Variants in PDGFRL observed in about 807,000 individuals in gnomAD.
PDGFRL encodes the protein platelet derived growth factor receptor like.
Under a neutral mutation model 37.2 loss-of-function variants are expected in PDGFRL, and 46 were observed. That is an observed-to-expected ratio of 1.24 (90% confidence interval 0.98 to 1.58). The LOEUF (loss-of-function observed/expected upper bound fraction) is 1.58, where lower values mean the gene tolerates loss of function less well. Ranked by LOEUF, PDGFRL falls within the 40% of genes most tolerant of loss-of-function variation. PDGFRL has a pLI of 0.00. For synonymous variants in PDGFRL, 251 were observed against 184.3 expected (o/e 1.36, Z -2.93); for missense variants, 692 against 467.6 (o/e 1.48, Z -4.43).
intron 2 of PDGFRL, among the ~76,000 whole-genome samples, chr8:17,591,390 G>C (rs1042041753): frequency 6.6e-6 from 1 of 152,100 alleles, no homozygotes; most frequent in Non-Finnish European, 1.5e-5. Flanking sequence ...AGGAACCTGA[G>C]CATGGGCTCT....
chr8:17,637,542 A>G (rs546504911), intron 5 of PDGFRL, among the ~76,000 whole-genome samples: 1 of 151,932 alleles, frequency 6.6e-6, no homozygotes, highest in African/African-American at 2.4e-5. Context: ...CTTTTTTGTT[A>G]TGTCCTTTCC....
At chr8:17,590,884 A>G (rs868235599) in intron 2 of PDGFRL, among the ~76,000 whole-genome samples, 74 of 55,312 alleles carry the variant, frequency 1.3e-3, no homozygotes, top group African/African-American at 3.2e-3. Context: ...TATTATTATT[A>G]TTAATTTTTT....
At chr8:17,585,854 C>T (rs1048461082) in intron 1 of PDGFRL, among the ~76,000 whole-genome samples, 1 of 152,182 alleles carries the variant, frequency 6.6e-6, no homozygotes, top group South Asian at 2.1e-4. Context: ...TTGTGATTCT[C>T]AGTTGATGAT....
At chr8:17,629,845 C>A (rs1187069182) in intron 4 of PDGFRL, among the ~76,000 whole-genome samples, 1 of 152,138 alleles carries the variant, frequency 6.6e-6, no homozygotes, top group African/African-American at 2.4e-5. Context: ...ATTCTGTGTT[C>A]AATGACTCCC....
chr8:17,613,036 T>C (rs991068715), intron 2 of PDGFRL, among the ~76,000 whole-genome samples: 3 of 152,242 alleles, frequency 2.0e-5, no homozygotes, highest in African/African-American at 7.2e-5. Context: ...TGAATATTTT[T>C]TGTGAGTTAT....
intron 2 of PDGFRL, among the ~76,000 whole-genome samples, chr8:17,608,437 GTTTA>G (rs1391392293): frequency 1.3e-5 from 2 of 152,144 alleles, no homozygotes; most frequent in Admixed American, 6.5e-5. Context: ...GCCCTCATGC[GTTTA>G]TTTACCCAGG....
chr8:17,597,483 A>G (rs1347063665), intron 2 of PDGFRL, among the ~76,000 whole-genome samples: 1 of 152,234 alleles, frequency 6.6e-6, no homozygotes, highest in Non-Finnish European at 1.5e-5. Context: ...AATGAAGAAG[A>G]AGGAGATCTA....
intron 2 of PDGFRL, among the ~76,000 whole-genome samples, chr8:17,619,738 T>C (rs1231300502): frequency 6.6e-6 from 1 of 152,208 alleles, no homozygotes; most frequent in Non-Finnish European, 1.5e-5. Flanking sequence ...GTTGACTGCT[T>C]ACAAACGATT....
At chr8:17,603,090 C>G (rs1585311547) in intron 2 of PDGFRL, among the ~76,000 whole-genome samples, 1 of 152,334 alleles carries the variant, frequency 6.6e-6, no homozygotes, top group East Asian at 1.9e-4. Context: ...TCAGGTGACT[C>G]TCATGCCTCA....
rs1403717372 is a variant in PDGFRL, at chr8:17,642,670, C to G, written c.997C>G (p.His333Asp). Residue 333 changes from histidine to aspartate, a missense_variant, in exon 6 of 6, where the codon CAC (histidine) becomes GAC (aspartate). Physicochemically the swap from His to Asp is moderately conservative, Grantham distance 81 (BLOSUM62 -1). Coordinates refer to ENST00000251630, the MANE Select transcript of PDGFRL (RefSeq NM_001372073.1). ...TWRLIHRGLG[H>D]TTRISQSVIT... ...GAGGTTGATCCACAGAGGACTGGGA[C>G]ACACCACGAGAATCTCCCAGAGTGT... The G allele has an allele frequency of 6.2e-7, 1 of 1,606,012 alleles. No individual in the cohort carries two copies. Among genetic ancestry groups the G allele is most frequent in the Admixed American group, 1.7e-5 (1 of 60,010 alleles).
chr8:17,597,123 C>A (rs1231473797), intron 2 of PDGFRL, among the ~76,000 whole-genome samples: 1 of 152,192 alleles, frequency 6.6e-6, no homozygotes, highest in Non-Finnish European at 1.5e-5. Context: ...CATGTTCAAG[C>A]AATTCTAGTG....
At chr8:17,617,060 C>G (rs1222206823) in intron 2 of PDGFRL, among the ~76,000 whole-genome samples, 1 of 152,196 alleles carries the variant, frequency 6.6e-6, no homozygotes, top group Non-Finnish European at 1.5e-5. Context: ...AGCTTCAGTC[C>G]TCCACTGATG....
At chr8:17,614,873 A>C (rs1455447805) in intron 2 of PDGFRL, among the ~76,000 whole-genome samples, 2 of 152,120 alleles carry the variant, frequency 1.3e-5, no homozygotes, top group African/African-American at 2.4e-5. Context: ...CTGAGCTTCA[A>C]ATTCTTCTCT....
chr8:17,642,636 A>G lies in PDGFRL; in HGVS notation c.963A>G (p.Gln321=), dbSNP rs898567705. 1.2e-6 allele frequency: 2 copies of G among 1,610,570 alleles called. No individual in the cohort carries two copies. Among genetic ancestry groups the G allele is most frequent in the South Asian group, 1.1e-5 (1 of 91,022 alleles). The change falls in exon 6 of 6, where the codon CAA becomes CAG. Residue 321 remains glutamine, a synonymous_variant. Coordinates refer to ENST00000251630, the MANE Select transcript of PDGFRL (RefSeq NM_001372073.1). Reference sequence around the variant, plus strand: ...AGGATGAAAGGCCTGTGACGATCCAAGACACTTGGAGGTTGATCCACAGAG... The same window carrying G: ...AGGATGAAAGGCCTGTGACGATCCAGGACACTTGGAGGTTGATCCACAGAG... ...GQKDERPVTI[Q]DTWRLIHRGL...
chr8:17,638,754 TATATATATATATA>T (rs1385380479), intron 5 of PDGFRL, among the ~76,000 whole-genome samples: 6 of 64,874 alleles, frequency 9.2e-5, no homozygotes, highest in African/African-American at 5.3e-4. Flanking sequence ...TATATATATA[TATATATATATATA>T]TATATATATA....
At chr8:17,599,535 A>C (rs1017022633) in intron 2 of PDGFRL, among the ~76,000 whole-genome samples, 4 of 152,228 alleles carry the variant, frequency 2.6e-5, no homozygotes, top group Admixed American at 2.0e-4. Flanking sequence ...TTGCGACCCT[A>C]AATGACCCTG....
chr8:17,599,053 G>T (rs536679700), intron 2 of PDGFRL, among the ~76,000 whole-genome samples: 6 of 152,254 alleles, frequency 3.9e-5, no homozygotes, highest in African/African-American at 1.4e-4. Flanking sequence ...ATTGTTACTT[G>T]ACCTCATAGA....
intron 2 of PDGFRL, among the ~76,000 whole-genome samples, chr8:17,599,105 A>G (rs1563512148): frequency 1.3e-5 from 2 of 152,012 alleles, no homozygotes; most frequent in African/African-American, 2.4e-5. Flanking sequence ...CTTTATCCAC[A>G]TTGCACCTTT....
At chr8:17,629,953 C>T (rs1286029764) in intron 4 of PDGFRL, among the ~76,000 whole-genome samples, 3 of 152,154 alleles carry the variant, frequency 2.0e-5, no homozygotes, top group East Asian at 1.9e-4. Context: ...CATCAGTACT[C>T]ACTACCCACA....
Sources: gnomAD v4.1 joint callset for allele counts (sites outside exome capture counted in the v4.1 genomes callset) on GRCh38, gnomAD v4.1.1 for gene constraint, MANE v1.5 for transcripts, NCBI Gene and HGNC (gene_info 2026-07-23, HGNC 2026-07-21) for gene names.